Variants in ADNP2 observed in about 807,000 individuals in gnomAD.
ADNP2 encodes the protein ADNP homeobox 2.
ADNP2 carries 8 observed loss-of-function variants against 16.4 expected under a neutral mutation model. That is an observed-to-expected ratio of 0.49 (90% CI 0.29 to 0.88). The LOEUF (loss-of-function observed/expected upper bound fraction) is 0.88. Among genes scored for constraint, ADNP2 ranks in the 40% least tolerant of loss-of-function variants. ADNP2 has a pLI of 0.09. For missense variants in ADNP2, 1,397 were observed against 1,395.1 expected (o/e 1.00, Z -0.02); for synonymous variants, 637 against 545.8 (o/e 1.17, Z -2.33).
intron 2 of ADNP2, among the ~76,000 whole-genome samples, chr18:80,119,868 T>G (rs1199107957): frequency 6.6e-6 from 1 of 152,186 alleles, no homozygotes; most frequent in African/African-American, 2.4e-5. Context: ...GGTTGCCACC[T>G]TGCTGCACAC....
chr18:80,128,660 A>G (rs1321780484), intron 2 of ADNP2, among the ~76,000 whole-genome samples: 1 of 152,210 alleles, frequency 6.6e-6, no homozygotes, highest in African/African-American at 2.4e-5. Flanking sequence ...AAAAAAAGAA[A>G]TAAATAAATA....
rs780534183 is a variant in ADNP2, at chr18:80,137,266, C to T, written c.1853C>T (p.Ala618Val). Reference sequence around the variant, plus strand: ...AATGGGATTCCAACCTACACGCTGGCCCCCGTGTCTGTCACTCTGCCGGTT... The same window carrying T: ...AATGGGATTCCAACCTACACGCTGGTCCCCGTGTCTGTCACTCTGCCGGTT... ...QVNGIPTYTLAPVSVTLPVPP... is the reference protein window; with the variant it reads ...QVNGIPTYTLVPVSVTLPVPP... Residue 618 changes from alanine to valine, a missense_variant, in exon 4 of 4, where the codon GCC becomes GTC. Ala to Val is a moderately conservative substitution (Grantham distance 64). This residue lies in a region of ADNP2 where 611 missense variants were observed against 648.7 expected (regional missense o/e 0.94). Coordinates refer to ENST00000262198, the MANE Select transcript of ADNP2 (RefSeq NM_014913.4). This position sits in a 1 kb window ranked among gnomAD's most constrained non-coding sequence, Gnocchi z 4.2. 2.5e-6 allele frequency: 4 copies of T among 1,614,176 alleles called. No individual in the cohort carries two copies. Among genetic ancestry groups the T allele is most frequent in the East Asian group, 4.5e-5 (2 of 44,888 alleles).
rs867641516 is a variant in ADNP2 at position 80,135,910 on chromosome 18, T to C, written c.497T>C (p.Leu166Ser). 5.6e-6 allele frequency: 9 copies of C among 1,614,238 alleles called. No individual in the cohort carries two copies. The highest frequency in any genetic ancestry group is 5.9e-6 in the Non-Finnish European group (7 of 1,180,042). Residue 166 changes from leucine to serine, a missense_variant, in exon 4 of 4, where the codon TTG becomes TCG. This residue lies in a region of ADNP2 where 777 missense variants were observed against 719.4 expected (regional missense o/e 1.08). Transcript: ENST00000262198. The part of the protein sequence containing the change: ...TCLKCNFSNT[L>S]YYSMKKHVLV... ...CTAAAATGTAACTTTTCAAACACTTTGTACTACAGCATGAAGAAGCATGTG... is the reference window on the plus strand; with the variant it reads ...CTAAAATGTAACTTTTCAAACACTTCGTACTACAGCATGAAGAAGCATGTG...
chr18:80,124,758 C>T (rs1186706119), intron 2 of ADNP2, among the ~76,000 whole-genome samples: 1 of 152,172 alleles, frequency 6.6e-6, no homozygotes, highest in Admixed American at 6.5e-5. Flanking sequence ...CTAGGGGCTG[C>T]CAACCACCAG....
In ADNP2 at chr18:80,138,368, A is replaced by AG; in HGVS notation, c.2959dup (p.Ala987GlyfsTer32). 6.2e-7 allele frequency: 1 copy of AG among 1,614,108 alleles called. No homozygotes were observed. The highest frequency in any genetic ancestry group is 8.5e-7 in the Non-Finnish European group (1 of 1,180,030). Reference sequence around the variant, plus strand: ...AGAGAAAGCTGCCTGACGGCCACTTAGGGGCCGAAGACCAGCGGCATGGGG... The same window carrying AG: ...AGAGAAAGCTGCCTGACGGCCACTTAGGGGGCCGAAGACCAGCGGCATGGGG... On this transcript the variant is annotated frameshift_variant, in exon 4 of 4. Coordinates refer to ENST00000262198, the MANE Select transcript of ADNP2 (RefSeq NM_014913.4). LOFTEE classifies it low-confidence loss of function (END_TRUNC).
intron 2 of ADNP2, among the ~76,000 whole-genome samples, chr18:80,118,206 T>C (rs12965826): frequency 0.18 from 27,404 of 151,970 alleles, 2,701 homozygotes; most frequent in Middle Eastern, 0.25. Flanking sequence ...GGATGGATCA[T>C]TTGAGGTCAG....
chr18:80,114,254 AAAAATT>A (rs1441821500), intron 1 of ADNP2, among the ~76,000 whole-genome samples: 1 of 152,068 alleles, frequency 6.6e-6, no homozygotes, highest in Non-Finnish European at 1.5e-5. Flanking sequence ...GTAAAAGCAT[AAAAATT>A]AAAATTTTTC....
At chr18:80,125,271 T>G (rs556412094) in intron 2 of ADNP2, among the ~76,000 whole-genome samples, 1 of 152,226 alleles carries the variant, frequency 6.6e-6, no homozygotes, top group South Asian at 2.1e-4. Context: ...CCCAGCACTT[T>G]GGGAGGCTGA....
chr18:80,135,990 G>A lies in ADNP2; in HGVS notation c.577G>A (p.Glu193Lys). 1 of 1,614,154 alleles carries A rather than the reference G, an allele frequency of 6.2e-7. No individual in the cohort carries two copies. Among genetic ancestry groups the A allele is most frequent in the South Asian group, 1.1e-5 (1 of 91,074 alleles). ...CTCCTACTTTGGCCTAAGAACTGAG[G>A]AAATGGGTGAGCAACCGAAAACTAA... ...INSYFGLRTE[E>K]MGEQPKTNDT... The change falls in exon 4 of 4, where the codon GAA (glutamate) becomes AAA (lysine). Residue 193 changes from glutamate (E) to lysine (K), a missense_variant. By Grantham distance (56) the Glu-to-Lys change is moderately conservative. This residue lies in a region of ADNP2 where 777 missense variants were observed against 719.4 expected (regional missense o/e 1.08). Transcript: ENST00000262198.
chr18:80,117,197 A>G (rs1322445342), intron 1 of ADNP2, among the ~76,000 whole-genome samples: 1 of 151,664 alleles, frequency 6.6e-6, no homozygotes, highest in Non-Finnish European at 1.5e-5. Flanking sequence ...GTCCATACCT[A>G]TTTTTTCTTT....
rs767845192 is a variant in ADNP2 at position 80,138,736 on chromosome 18, C to T, written c.3323C>T (p.Ser1108Phe). 43 of 1,604,510 alleles carry T rather than the reference C, an allele frequency of 2.7e-5. No individual in the cohort carries two copies. Among genetic ancestry groups the T allele is most frequent in the Non-Finnish European group, 3.6e-5 (42 of 1,178,002 alleles). The stretch of plus-strand genomic sequence containing the variant: ...AAAGCAATAAAAAATCACAAGCCTT[C>T]TGTACTTTTAGGCTTTGATATGTCT... ...CMKAIKNHKP[S>F]VLLGFDMSEL... Residue 1108 changes from serine to phenylalanine, a missense_variant, in exon 4 of 4, where the codon TCT (serine) becomes TTT (phenylalanine). Ser to Phe is a radical substitution (Grantham distance 155). This residue lies in a region of ADNP2 where 611 missense variants were observed against 648.7 expected (regional missense o/e 0.94). Transcript: ENST00000262198.
Position 80,135,633 on chromosome 18 carries a change from T to C in ADNP2, c.220T>C (p.Cys74Arg). 6.2e-7 allele frequency: 1 copy of C among 1,613,080 alleles called. No homozygotes were observed. The highest frequency in any genetic ancestry group is 2.2e-5 in the East Asian group (1 of 44,878). Residue 74 changes from cysteine to arginine, a missense_variant, in exon 4 of 4, where the codon TGT (cysteine) becomes CGT (arginine). By Grantham distance (180) the Cys-to-Arg change is radical. Transcript: ENST00000262198. ...KKVRYRTKPY[C>R]CGLCKYSTKV... ...ACAGAGATATCGAACAAAGCCATAC[T>C]GTTGTGGCCTCTGTAAATACTCTAC... is the stretch of plus-strand genomic sequence containing the variant.
Position 80,138,210 on chromosome 18 carries a change from G to C in ADNP2, c.2797G>C (p.Val933Leu). ...TGNMTLAAIA[V>L]HLVRCRSAPK... ...AAATATGACCCTGGCTGCCATCGCC[G>C]TCCATTTGGTGCGCTGCAGAAGTGC... is the stretch of plus-strand genomic sequence containing the variant. Residue 933 changes from valine to leucine, a missense_variant, in exon 4 of 4, where the codon GTC becomes CTC. This residue lies in a region of ADNP2 where 611 missense variants were observed against 648.7 expected (regional missense o/e 0.94). Transcript: ENST00000262198. 1.2e-6 allele frequency: 2 copies of C among 1,614,104 alleles called. No individual in the cohort carries two copies. The highest frequency in any genetic ancestry group is 1.7e-6 in the Non-Finnish European group (2 of 1,180,036).
At chr18:80,126,240 C>T (rs535640063) in intron 2 of ADNP2, among the ~76,000 whole-genome samples, 2 of 146,264 alleles carry the variant, frequency 1.4e-5, no homozygotes, top group South Asian at 4.2e-4. Flanking sequence ...TTAATTTCTT[C>T]TTCCAGCCTT....
At position 80,130,890 on chromosome 18, in the gene ADNP2, C is replaced by T. The variant is rs1015647335; in HGVS notation, c.109-2213C>T. Among the ~76,000 whole-genome samples the T allele has an allele frequency of 6.6e-5, 10 of 152,180 alleles. 1 individual carries two copies. On this transcript the variant is annotated intron_variant, in intron 2 of 3. Transcript: ENST00000262198. ...ACAATTTTACAAAATATCTGTGTTT[C>T]TCAGTTGTGAAACTGTGAGGTTGGG...
chr18:80,114,749 A>G (rs1235760015), intron 1 of ADNP2, among the ~76,000 whole-genome samples: 1 of 152,048 alleles, frequency 6.6e-6, no homozygotes, highest in South Asian at 2.1e-4. Context: ...CAGGGAAGGG[A>G]GATGGTTTGT....
intron 1 of ADNP2, among the ~76,000 whole-genome samples, chr18:80,110,684 A>C (rs1393558126): frequency 6.6e-6 from 1 of 152,156 alleles, no homozygotes; most frequent in Non-Finnish European, 1.5e-5. Flanking sequence ...GTTCTTGGAG[A>C]GTTGGCCATG....
chr18:80,136,651 C>T lies in ADNP2; in HGVS notation c.1238C>T (p.Pro413Leu). 6.2e-7 allele frequency: 1 copy of T among 1,613,796 alleles called. No homozygotes were observed. The highest frequency in any genetic ancestry group is 8.5e-7 in the Non-Finnish European group (1 of 1,179,766). Residue 413 changes from proline to leucine, a missense_variant, in exon 4 of 4, where the codon CCT (proline) becomes CTT (leucine). Physicochemically the swap from Pro to Leu is moderately conservative, Grantham distance 98. Transcript: ENST00000262198. ...CAGCCTGTGGGACCCATAAACAGAC[C>T]TGTTGGGCCTGGTGTTCTTCCTGTG... ...LTQPVGPINR[P>L]VGPGVLPVSP...
Position 80,138,389 on chromosome 18 carries a change from T to C in ADNP2, c.2976T>C (p.His992=). ...ACTTAGGGGCCGAAGACCAGCGGCA[T>C]GGGGAGGAGCAGCCTCCCATCCTAA... ...DGHLGAEDQR[H]GEEQPPILNA... Residue 992 remains histidine (H), a synonymous_variant, in exon 4 of 4, where the codon CAT becomes CAC. Coordinates refer to ENST00000262198, the MANE Select transcript of ADNP2 (RefSeq NM_014913.4). 6.2e-7 allele frequency: 1 copy of C among 1,614,062 alleles called. No homozygotes were observed.
Sources: gnomAD v4.1 joint callset for allele counts (sites outside exome capture counted in the v4.1 genomes callset) on GRCh38, gnomAD v4.1.1 for gene constraint, gnomAD v4.1.1 regional missense constraint, Gnocchi (gnomAD v3.1) non-coding constraint, MANE v1.5 for transcripts, NCBI Gene and HGNC (gene_info 2026-07-23, HGNC 2026-07-21) for gene names.